The following ZNF718 variants were observed in gnomAD, a reference collection of about 807,000 sequenced individuals.
ZNF718 encodes the protein zinc finger protein 718.
Under a neutral mutation model 2.6 loss-of-function variants are expected in ZNF718, and 3 were observed. That is an observed-to-expected ratio of 1.16 (90% CI 0.53 to 3.01). ZNF718 has a LOEUF of 3.01. ZNF718 is among the 30% of genes most tolerant of loss of function. The pLI is 0.03. For missense variants in ZNF718, 468 were observed against 230.0 expected (o/e 2.03, Z -6.69); for synonymous variants, 135 against 77.9 (o/e 1.73, Z -3.86).
At chr4:199,200 T>G (rs947377404) in intron 3 of ZNF718, among the ~76,000 whole-genome samples, 1 of 152,234 alleles carries the variant, frequency 6.6e-6, no homozygotes, top group Non-Finnish European at 1.5e-5. Flanking sequence ...AGGGGCATAA[T>G]AACTGTGCCT....
intron 3 of ZNF718, among the ~76,000 whole-genome samples, chr4:178,604 G>A (rs1485236414): frequency 6.6e-6 from 1 of 152,172 alleles, no homozygotes; most frequent in Admixed American, 6.6e-5. Flanking sequence ...TGAGAGGTAA[G>A]AGCTCACTGG....
At chr4:178,241 CA>C (rs1553819359) in intron 3 of ZNF718, among the ~76,000 whole-genome samples, 1 of 151,160 alleles carries the variant, frequency 6.6e-6, no homozygotes. Flanking sequence ...TGGGCTCAAA[CA>C]ATCCTCCCAT....
intron 3 of ZNF718, chr4:142,033 A>C (rs782457464): frequency 5.8e-6 from 3 of 520,030 alleles, no homozygotes; most frequent in Non-Finnish European, 1.2e-5. Flanking sequence ...AACATAGGAG[A>C]AAAACTGTCC....
downstream of ZNF718, among the ~76,000 whole-genome samples, chr4:165,549 A>T (rs549294746): frequency 6.6e-6 from 1 of 152,348 alleles, no homozygotes; most frequent in African/African-American, 2.4e-5. Context: ...CTGTAATCCC[A>T]GCACTCTGGG....
intron 3 of ZNF718, among the ~76,000 whole-genome samples, chr4:135,921 G>A (rs1715552008): frequency 6.6e-6 from 1 of 151,858 alleles, no homozygotes; most frequent in South Asian, 2.1e-4. Flanking sequence ...GGTCTCTGAA[G>A]CAGCCCTGTG....
chr4:174,110 A>G (rs1216082609), intron 3 of ZNF718, among the ~76,000 whole-genome samples: 1 of 152,154 alleles, frequency 6.6e-6, no homozygotes, highest in East Asian at 1.9e-4. Flanking sequence ...ATTCCTTTGT[A>G]TCTACTCCTC....
intron 1 of ZNF718, among the ~76,000 whole-genome samples, chr4:126,000 G>A (rs1715194399): frequency 1.3e-5 from 2 of 152,310 alleles, no homozygotes; most frequent in Admixed American, 1.3e-4. Flanking sequence ...TATGGACTCA[G>A]GAATCAGTCA....
rs1716823572 is a variant in ZNF718 at position 161,199 on chromosome 4, A to C, written c.514A>C (p.Lys172Gln). Residue 172 changes from lysine (K) to glutamine (Q), a missense_variant, in exon 4 of 4, where the codon AAA becomes CAA. By Grantham distance (53) the Lys-to-Gln change is moderately conservative. Transcript: ENST00000510175. ...AAGATATACTGGAGATAAAACCTTTAAATGTAAAGAATGTGGCAAATCATT... is the reference window on the plus strand; with the variant it reads ...AAGATATACTGGAGATAAAACCTTTCAATGTAAAGAATGTGGCAAATCATT... ...KIRYTGDKTFKCKECGKSFHV... is the reference protein window; with the variant it reads ...KIRYTGDKTFQCKECGKSFHV... 1 of 771,240 alleles carries C rather than the reference A, an allele frequency of 1.3e-6. No homozygotes were observed. The highest frequency in any genetic ancestry group is 2.4e-6 in the Non-Finnish European group (1 of 414,592). 47.8% of individuals were successfully genotyped at this position (771,240 alleles called of 1,614,324 possible).
At chr4:196,468 G>C (rs1341856319) in intron 3 of ZNF718, among the ~76,000 whole-genome samples, 2 of 152,196 alleles carry the variant, frequency 1.3e-5, no homozygotes, top group African/African-American at 2.4e-5. Context: ...TGAACCATTA[G>C]TGCCTAGGAG....
chr4:159,063 G>A (rs1164781305), intron 3 of ZNF718, among the ~76,000 whole-genome samples: 4 of 146,954 alleles, frequency 2.7e-5, no homozygotes, highest in African/African-American at 5.1e-5. Flanking sequence ...TTGAGATGGA[G>A]TCTTGTTTTG....
Position 131,224 on chromosome 4 carries a change from G to A in ZNF718, c.131-186G>A, listed in dbSNP as rs1217148708. Among the ~76,000 whole-genome samples, 3 of 103,480 alleles carry A rather than the reference G, an allele frequency of 2.9e-5. 1 individual carries two copies. Among genetic ancestry groups the A allele is most frequent in the African/African-American group, 1.0e-4 (3 of 29,750 alleles). 67.9% of individuals were successfully genotyped at this position (103,480 alleles called of 152,430 possible). A position where few individuals can be genotyped will look rare whatever the true frequency, so the allele number is the denominator to read the frequency against. ...ACTTATTTTTGATTCAGTAGTACTCGGTAGTGGAACTTAAAGCCCACAGAT... is the reference window on the plus strand; with the variant it reads ...ACTTATTTTTGATTCAGTAGTACTCAGTAGTGGAACTTAAAGCCCACAGAT... On this transcript the variant is annotated intron_variant, in intron 2 of 3. Transcript: ENST00000510175.
chr4:196,293 G>A (rs1422566688), intron 3 of ZNF718, among the ~76,000 whole-genome samples: 4 of 152,248 alleles, frequency 2.6e-5, no homozygotes, highest in Non-Finnish European at 4.4e-5. Flanking sequence ...AAGGGTGGTG[G>A]GGAACAGGTC....
chr4:190,748 C>G (rs1717675504), intron 3 of ZNF718, among the ~76,000 whole-genome samples: 1 of 152,046 alleles, frequency 6.6e-6, no homozygotes, highest in African/African-American at 2.4e-5. Flanking sequence ...TAAAACAAAT[C>G]TATTTTTTTC....
At chr4:153,518 T>G (rs748994607) in intron 3 of ZNF718, among the ~76,000 whole-genome samples, 2 of 152,188 alleles carry the variant, frequency 1.3e-5, no homozygotes, top group Non-Finnish European at 2.9e-5. Context: ...ATAGCAACTT[T>G]CATAATAATT....
intron 3 of ZNF718, among the ~76,000 whole-genome samples, chr4:141,881 A>G (rs1553810314): frequency 6.6e-6 from 1 of 152,218 alleles, no homozygotes; most frequent in Non-Finnish European, 1.5e-5. Flanking sequence ...TAAACATTTT[A>G]TAAAGGGATT....
intron 3 of ZNF718, among the ~76,000 whole-genome samples, chr4:138,477 A>T (rs1715671551): frequency 6.6e-6 from 1 of 152,038 alleles, no homozygotes; most frequent in South Asian, 2.1e-4. Flanking sequence ...CTTTTTTATG[A>T]TTGAAAAGTA....
At chr4:196,451 G>T (rs1553822038) in intron 3 of ZNF718, among the ~76,000 whole-genome samples, 1 of 152,174 alleles carries the variant, frequency 6.6e-6, no homozygotes, top group African/African-American at 2.4e-5. Context: ...TAGAGGAAAT[G>T]AAAGGCTGAA....
At chr4:171,883 T>G (rs1343700419) in intron 3 of ZNF718, among the ~76,000 whole-genome samples, 1 of 152,204 alleles carries the variant, frequency 6.6e-6, no homozygotes, top group Non-Finnish European at 1.5e-5. Context: ...CCTAGTGAGA[T>G]GAACCCGGTA....
intron 3 of ZNF718, among the ~76,000 whole-genome samples, chr4:197,176 C>A (rs1161945227): frequency 6.6e-6 from 1 of 151,972 alleles, no homozygotes; most frequent in Non-Finnish European, 1.5e-5. Flanking sequence ...TGGGAGTTGA[C>A]ATGTCCTTTA....
Sources: gnomAD v4.1 joint callset for allele counts (sites outside exome capture counted in the v4.1 genomes callset) on GRCh38, gnomAD v4.1.1 for gene constraint, MANE v1.5 for transcripts, NCBI Gene and HGNC (gene_info 2026-07-23, HGNC 2026-07-21) for gene names.